Variants in TLK1 observed in about 807,000 individuals in gnomAD.
TLK1 encodes serine/threonine-protein kinase tousled-like 1.
A neutral mutation model predicts 105.3 loss-of-function variants in TLK1; 24 were observed. The ratio of observed to expected loss-of-function variants is 0.23; its 90% CI spans 0.17 to 0.32. TLK1 has a LOEUF of 0.32. Among genes scored for constraint, TLK1 ranks in the 10% least tolerant of loss-of-function variants. TLK1 has a pLI of 1.00. For synonymous variants in TLK1, 321 were observed against 310.4 expected, an observed-to-expected ratio of 1.03 and a Z score of -0.36; for missense variants, 558 against 910.5, an observed-to-expected ratio of 0.61 and a Z score of 4.98.
intron 1 of TLK1, among the ~76,000 whole-genome samples, chr2:171,158,161 T>C (rs1291557763): frequency 1.3e-5 from 2 of 152,214 alleles, no homozygotes; most frequent in Non-Finnish European, 2.9e-5. Flanking sequence ...AGCTTCAAAA[T>C]GAATATAACC....
chr2:171,022,873 TA>T (rs1190701623), intron 12 of TLK1: 4 of 280,786 alleles, frequency 1.4e-5, no homozygotes, highest in African/African-American at 2.2e-5. Flanking sequence ...TCAATTCACC[TA>T]AAGCCAACGC....
chr2:171,196,297 A>G (rs1294632785), intron 1 of TLK1, among the ~76,000 whole-genome samples: 1 of 151,958 alleles, frequency 6.6e-6, no homozygotes, highest in Non-Finnish European at 1.5e-5. Context: ...TTGTATTTTT[A>G]ATAGAGATGG....
chr2:171,149,622 T>C (rs967965028), intron 1 of TLK1, among the ~76,000 whole-genome samples: 8 of 152,046 alleles, frequency 5.3e-5, no homozygotes, highest in East Asian at 1.9e-4. Flanking sequence ...AACTATACAA[T>C]AGACTGGGCA....
chr2:171,222,579 C>G (rs961217063), intron 1 of TLK1, among the ~76,000 whole-genome samples: 2 of 152,042 alleles, frequency 1.3e-5, no homozygotes, highest in Admixed American at 1.3e-4. Context: ...TGATCCACCC[C>G]CCTCTGCCTC....
At chr2:171,166,420 A>C (rs905393667) in intron 1 of TLK1, among the ~76,000 whole-genome samples, 22 of 152,262 alleles carry the variant, frequency 1.4e-4, no homozygotes, top group African/African-American at 4.8e-4. Context: ...GCCATCTAGC[A>C]GGGGAAGAAT....
At chr2:171,151,568 A>G (rs963365669) in intron 1 of TLK1, among the ~76,000 whole-genome samples, 11 of 137,344 alleles carry the variant, frequency 8.0e-5, no homozygotes, top group Non-Finnish European at 1.4e-4. Context: ...TCTGCCTCCC[A>G]GGTTCACACC....
intron 1 of TLK1, among the ~76,000 whole-genome samples, chr2:171,218,275 A>C (rs1292012894): frequency 3.9e-5 from 6 of 152,108 alleles, no homozygotes; most frequent in Non-Finnish European, 8.8e-5. Flanking sequence ...AAACAACAAC[A>C]ACAACAACAA....
chr2:171,024,564 C>A (rs947244721), intron 12 of TLK1, among the ~76,000 whole-genome samples: 2 of 152,112 alleles, frequency 1.3e-5, no homozygotes, highest in Non-Finnish European at 2.9e-5. Context: ...AGGAAAGCCA[C>A]AAGTGAATTA....
At chr2:171,135,931 G>A (rs190432182) in intron 1 of TLK1, among the ~76,000 whole-genome samples, 55 of 152,222 alleles carry the variant, frequency 3.6e-4, no homozygotes, top group Admixed American at 1.6e-3. Context: ...GGAAAAATGG[G>A]AACCTTTGTG....
At chr2:171,223,884 T>G (rs1038964476) in intron 1 of TLK1, among the ~76,000 whole-genome samples, 6 of 152,086 alleles carry the variant, frequency 3.9e-5, no homozygotes, top group African/African-American at 1.4e-4. Context: ...TAGTTATATG[T>G]TTTCCCATTC....
chr2:171,049,667 T>G (rs1687139407), intron 10 of TLK1, 147 bp downstream of exon 10: 1 of 891,526 alleles, frequency 1.1e-6, no homozygotes, highest in Non-Finnish European at 1.7e-6. Flanking sequence ...TGTAATACTC[T>G]TGGTTTCATA....
At chr2:171,188,430 G>A (rs558850625) in intron 1 of TLK1, among the ~76,000 whole-genome samples, 1 of 152,264 alleles carries the variant, frequency 6.6e-6, no homozygotes, top group African/African-American at 2.4e-5. Context: ...ATTAGGCCAA[G>A]CACGGTGGTT....
intron 2 of TLK1, among the ~76,000 whole-genome samples, chr2:171,117,282 A>AGTAAT (rs1690476112): frequency 6.6e-6 from 1 of 152,152 alleles, no homozygotes. Context: ...AAACAGGTGG[A>AGTAAT]GCTCAGGCAG....
At chr2:171,046,130 C>G in intron 11 of TLK1, 44 bp downstream of exon 11, 2 of 1,457,872 alleles carry the variant, frequency 1.4e-6, no homozygotes, top group Non-Finnish European at 1.8e-6. Flanking sequence ...TTCACGCTCA[C>G]TGGCAACAAT....
At chr2:171,135,657 C>A (rs1691287058) in intron 1 of TLK1, among the ~76,000 whole-genome samples, 1 of 151,824 alleles carries the variant, frequency 6.6e-6, no homozygotes. Context: ...AAAAAATTAG[C>A]CGGGAGTGGT....
intron 12 of TLK1, among the ~76,000 whole-genome samples, chr2:171,021,068 G>A (rs1317640184): frequency 6.6e-6 from 1 of 152,122 alleles, no homozygotes; most frequent in African/African-American, 2.4e-5. Context: ...GGGGTGTGTG[G>A]AGGGGTAATG....
In TLK1 at chr2:171,000,001, T is replaced by C. The variant is rs559752283; in HGVS notation, c.1905-2178A>G. Reference sequence around the variant, plus strand: ...GTCTTCAATTCCTGGGCTCAAGTGGTCTTCCTGCTGGGATCAGAGGCATGA... The same window carrying C: ...GTCTTCAATTCCTGGGCTCAAGTGGCCTTCCTGCTGGGATCAGAGGCATGA... On this transcript the variant is annotated intron_variant, in intron 18 of 20. Coordinates refer to ENST00000431350, the MANE Select transcript of TLK1 (RefSeq NM_012290.5). 2.1e-4 allele frequency among the ~76,000 whole-genome samples: 32 copies of C among 152,170 alleles called. No homozygotes were observed. In the South Asian group the frequency reaches 4.6e-3, roughly 22 times the overall value.
chr2:171,055,565 T>C (rs1013334860), intron 6 of TLK1, among the ~76,000 whole-genome samples: 1 of 152,022 alleles, frequency 6.6e-6, no homozygotes, highest in Non-Finnish European at 1.5e-5. Flanking sequence ...TACACGCCCA[T>C]ATGTAGTTTA....
At chr2:171,109,597 T>C (rs1479718908) in intron 2 of TLK1, among the ~76,000 whole-genome samples, 2 of 152,210 alleles carry the variant, frequency 1.3e-5, no homozygotes, top group Non-Finnish European at 2.9e-5. Context: ...ACTTTGGAAA[T>C]CTGGCAGTTT....
Sources: allele counts gnomAD v4.1 joint callset (sites outside exome capture counted in the v4.1 genomes callset), GRCh38; gene constraint gnomAD v4.1.1; transcripts MANE v1.5; gene names NCBI Gene and HGNC (gene_info 2026-07-23, HGNC 2026-07-21).